RNFT2: variants seen among roughly 807,000 people sequenced by gnomAD.
RNFT2 encodes ring finger protein, transmembrane 2.
RNFT2 carries 36 observed loss-of-function variants against 53.0 expected under a neutral mutation model. The ratio of observed to expected loss-of-function variants is 0.68; its 90% CI spans 0.52 to 0.90. RNFT2 has a LOEUF of 0.90. Ranked by LOEUF, RNFT2 falls within the 40% of genes least tolerant of loss-of-function variation. RNFT2 has a pLI of 0.00. For missense variants in RNFT2, 514 were observed against 585.6 expected (o/e 0.88, Z 1.26); for synonymous variants, 260 against 253.2 (o/e 1.03, Z -0.26).
intron 7 of RNFT2, among the ~76,000 whole-genome samples, chr12:116,825,746 T>G (rs1050105348): frequency 2.1e-4 from 32 of 152,248 alleles, no homozygotes; most frequent in African/African-American, 7.5e-4. Flanking sequence ...CATATCTATA[T>G]GTATGTGTGT....
At chr12:116,801,289 AAT>A (rs1292828058) in intron 7 of RNFT2, 1 of 152,240 alleles carries the variant, frequency 6.6e-6, no homozygotes, top group East Asian at 1.9e-4. Flanking sequence ...AATCATTAGC[AAT>A]GTTAATATTA....
intron 7 of RNFT2, among the ~76,000 whole-genome samples, chr12:116,816,603 T>C (rs1875693555): frequency 6.6e-6 from 1 of 152,170 alleles, no homozygotes; most frequent in Non-Finnish European, 1.5e-5. Context: ...AGAGCATCTG[T>C]ACAGACATCA....
chr12:116,788,368 C>A (rs1222647457), intron 7 of RNFT2, among the ~76,000 whole-genome samples: 1 of 152,212 alleles, frequency 6.6e-6, no homozygotes, highest in Non-Finnish European at 1.5e-5. Context: ...CTAGAGTGGG[C>A]TGCTTGCTGC....
At chr12:116,751,606 T>C (rs1872255943) in intron 4 of RNFT2, among the ~76,000 whole-genome samples, 1 of 151,536 alleles carries the variant, frequency 6.6e-6, no homozygotes, top group African/African-American at 2.4e-5. Context: ...GGTTTCACCA[T>C]GTTGGCCAGG....
chr12:116,787,571 C>T (rs1459732121), intron 7 of RNFT2, among the ~76,000 whole-genome samples: 1 of 152,014 alleles, frequency 6.6e-6, no homozygotes, highest in Non-Finnish European at 1.5e-5. Context: ...AATCAATTAG[C>T]TGGGCATGGT....
intron 1 of RNFT2, among the ~76,000 whole-genome samples, chr12:116,740,051 C>A (rs1259940481): frequency 6.6e-6 from 1 of 151,994 alleles, no homozygotes; most frequent in Non-Finnish European, 1.5e-5. Context: ...ACTAAAAATA[C>A]AAAAATTGGG....
chr12:116,841,772 TATATATAA>T lies in RNFT2; in HGVS notation c.1200+5498_1200+5505del, dbSNP rs1208775477. ...CAAAAAATATATAAATATAAATATA[TATATATAA>T]ATATATATATATAAATATATATATA... On this transcript the variant is annotated intron_variant, in intron 10 of 10. Transcript: ENST00000257575. Among the ~76,000 whole-genome samples the T allele has an allele frequency of 4.4e-4, 47 of 107,630 alleles. 2 individuals are homozygous for T. The highest frequency in any genetic ancestry group is 1.7e-3 in the African/African-American group (44 of 25,644). The allele number at this position is 107,630 out of a possible 152,430, so 70.6% of individuals were successfully genotyped here.
chr12:116,773,419 AAAC>A lies in RNFT2; in HGVS notation c.729-5770_729-5768del, dbSNP rs1336411115. The stretch of plus-strand genomic sequence containing the variant: ...GGACTCAAACAATCCTAGGAAAACC[AAAC>A]AACAAGCCTCGAGAAAGGGCAGGGA... On this transcript the variant is annotated intron_variant, in intron 6 of 10. Coordinates refer to ENST00000257575, the MANE Select transcript of RNFT2 (RefSeq NM_001382266.1). Among the ~76,000 whole-genome samples the A allele has an allele frequency of 2.6e-5, 4 of 152,342 alleles. No individual in the cohort carries two copies. The East Asian group carries it at 7.7e-4, about 29-fold the overall frequency.
At chr12:116,791,827 AC>A (rs1874246567) in intron 7 of RNFT2, among the ~76,000 whole-genome samples, 1 of 152,120 alleles carries the variant, frequency 6.6e-6, no homozygotes, top group Non-Finnish European at 1.5e-5. Context: ...CCTATGTTGA[AC>A]CTTTTGAGGA....
rs1877838288 is a variant in RNFT2, at chr12:116,850,018, A to G, written c.*570A>G. On this transcript the variant is annotated 3_prime_UTR_variant, in exon 11 of 11. Coordinates refer to ENST00000257575, the MANE Select transcript of RNFT2 (RefSeq NM_001382266.1). ...ACCAACACACTTGGCTAATTTTTGT[A>G]TTTTTTAGTAGAGACAGGGTTTTGC... The G allele has an allele frequency of 6.9e-6, 1 of 143,934 alleles. No homozygotes were observed. Among genetic ancestry groups the G allele is most frequent in the African/African-American group, 2.6e-5 (1 of 38,620 alleles). 8.9% of individuals were successfully genotyped at this position (143,934 alleles called of 1,614,324 possible).
At chr12:116,784,610 TCTC>T (rs1020938542) in intron 7 of RNFT2, among the ~76,000 whole-genome samples, 3 of 152,108 alleles carry the variant, frequency 2.0e-5, no homozygotes, top group African/African-American at 7.2e-5. Context: ...CTGGGCTTCT[TCTC>T]ATTGTTCTAG....
intron 6 of RNFT2, among the ~76,000 whole-genome samples, chr12:116,774,442 A>T (rs1037482270): frequency 5.3e-5 from 8 of 152,082 alleles, no homozygotes; most frequent in African/African-American, 1.7e-4. Context: ...AGCTTCATTT[A>T]AAAAAAAGTA....
chr12:116,786,649 C>T (rs544966161), intron 7 of RNFT2, among the ~76,000 whole-genome samples: 2 of 152,342 alleles, frequency 1.3e-5, no homozygotes, highest in South Asian at 4.1e-4. Context: ...TCACTGTCAC[C>T]TCTTTCTGGA....
intron 7 of RNFT2, among the ~76,000 whole-genome samples, chr12:116,792,780 G>GT (rs1226329543): frequency 6.6e-6 from 1 of 152,128 alleles, no homozygotes; most frequent in Non-Finnish European, 1.5e-5. Context: ...GCAGCGGGGG[G>GT]AAGACACATT....
chr12:116,759,994 G>A (rs939853958), intron 5 of RNFT2, among the ~76,000 whole-genome samples: 1 of 152,098 alleles, frequency 6.6e-6, no homozygotes, highest in African/African-American at 2.4e-5. Context: ...GAGGCTAGGC[G>A]TTTCTGACCT....
intron 7 of RNFT2, among the ~76,000 whole-genome samples, chr12:116,816,462 C>A (rs1043229927): frequency 6.6e-6 from 1 of 152,212 alleles, no homozygotes; most frequent in Non-Finnish European, 1.5e-5. Context: ...TCCTCCTCCC[C>A]CTCCTCGCCA....
At chr12:116,791,594 G>A (rs1435518362) in intron 7 of RNFT2, among the ~76,000 whole-genome samples, 1 of 152,216 alleles carries the variant, frequency 6.6e-6, no homozygotes, top group African/African-American at 2.4e-5. Context: ...ACAGGCATGA[G>A]CCACCATGCC....
intron 7 of RNFT2, among the ~76,000 whole-genome samples, chr12:116,780,877 G>T (rs1052056425): frequency 9.9e-5 from 15 of 152,050 alleles, no homozygotes; most frequent in Non-Finnish European, 2.1e-4. Context: ...CATGGACTTT[G>T]GCATCAGACA....
intron 7 of RNFT2, among the ~76,000 whole-genome samples, chr12:116,817,024 G>GT (rs1318676910): frequency 1.3e-5 from 2 of 152,034 alleles, no homozygotes; most frequent in Admixed American, 6.6e-5. Flanking sequence ...GTTTTGTTTT[G>GT]TTTTTTGAGA....
Sources: gnomAD v4.1 joint callset for allele counts (sites outside exome capture counted in the v4.1 genomes callset) on GRCh38, gnomAD v4.1.1 for gene constraint, MANE v1.5 for transcripts, NCBI Gene and HGNC (gene_info 2026-07-23, HGNC 2026-07-21) for gene names.